Variants in GALNT10 observed in about 807,000 individuals in gnomAD.
GALNT10 encodes the protein GalNAc transferase 10.
GALNT10 carries 41 observed loss-of-function variants against 75.0 expected under a neutral mutation model. That is an observed-to-expected ratio of 0.55 (90% CI 0.43 to 0.71). The LOEUF is 0.71. GALNT10 is among the 30% of genes least tolerant of loss of function. GALNT10 has a pLI of 0.00. For missense variants in GALNT10, 727 were observed against 818.5 expected (o/e 0.89, Z 1.36); for synonymous variants, 302 against 313.0 (o/e 0.96, Z 0.37).
At chr5:154,232,273 G>C (rs1753162573) in intron 1 of GALNT10, among the ~76,000 whole-genome samples, 2 of 152,102 alleles carry the variant, frequency 1.3e-5, no homozygotes, top group African/African-American at 2.4e-5. Context: ...TGTCCTTTTA[G>C]TTGCTTATTG....
intron 4 of GALNT10, among the ~76,000 whole-genome samples, chr5:154,334,551 C>A (rs561793208): frequency 2.5e-4 from 38 of 152,294 alleles, no homozygotes; most frequent in African/African-American, 8.4e-4. Flanking sequence ...TTCTCCTTAG[C>A]CTCTCCACTT....
At chr5:154,223,950 C>T (rs923748379) in intron 1 of GALNT10, among the ~76,000 whole-genome samples, 1 of 150,754 alleles carries the variant, frequency 6.6e-6, no homozygotes, top group African/African-American at 2.4e-5. Context: ...TAAACAACAA[C>T]AGCAGAACAA....
At chr5:154,369,523 A>T (rs964358796) in intron 4 of GALNT10, among the ~76,000 whole-genome samples, 10 of 152,216 alleles carry the variant, frequency 6.6e-5, no homozygotes, top group Middle Eastern at 3.2e-3. Context: ...TCATCTTAAC[A>T]TTTCCTTTGG....
chr5:154,348,465 C>T (rs189685730), intron 4 of GALNT10, among the ~76,000 whole-genome samples: 12 of 152,278 alleles, frequency 7.9e-5, no homozygotes, highest in Non-Finnish European at 1.3e-4. Flanking sequence ...TATTCTTTCC[C>T]AGAGTTTGTC....
chr5:154,231,435 C>T (rs953232773), intron 1 of GALNT10, among the ~76,000 whole-genome samples: 5 of 152,072 alleles, frequency 3.3e-5, no homozygotes, highest in African/African-American at 9.7e-5. Flanking sequence ...TAGATGACTT[C>T]GAAATTGGAC....
At chr5:154,224,069 C>T (rs1753025071) in intron 1 of GALNT10, among the ~76,000 whole-genome samples, 1 of 152,212 alleles carries the variant, frequency 6.6e-6, no homozygotes, top group Non-Finnish European at 1.5e-5. Flanking sequence ...CGATTAAAAT[C>T]TATTCTCAAA....
At chr5:154,390,078 C>T (rs6882005) in intron 7 of GALNT10, among the ~76,000 whole-genome samples, 35,900 of 151,948 alleles carry the variant, frequency 0.24, 4,408 homozygotes, top group Middle Eastern at 0.31. Flanking sequence ...TGGCAATCAA[C>T]ATTAATTCTT....
chr5:154,358,250 G>A (rs886267040), intron 4 of GALNT10, among the ~76,000 whole-genome samples: 8 of 152,180 alleles, frequency 5.3e-5, no homozygotes, highest in African/African-American at 7.2e-5. Flanking sequence ...ATGGGGGGAC[G>A]TGTCTCTAGT....
chr5:154,241,903 C>T lies in GALNT10; in HGVS notation c.159+50878C>T, dbSNP rs557467952. Among the ~76,000 whole-genome samples, 5 of 152,242 alleles carry T rather than the reference C, an allele frequency of 3.3e-5. No individual in the cohort carries two copies. In the East Asian group the frequency reaches 5.8e-4, roughly 18 times the overall value. On this transcript the variant is annotated intron_variant, in intron 1 of 11. Transcript: ENST00000297107. ...GCTTTTTGAATAACATTTTTTTCCC[C>T]TTCGCCACTACAAGACTTAGAAGTG...
intron 3 of GALNT10, among the ~76,000 whole-genome samples, chr5:154,323,914 T>G (rs1191370371): frequency 1.3e-5 from 2 of 152,338 alleles, no homozygotes; most frequent in African/African-American, 4.8e-5. Context: ...CACCTTCTCC[T>G]GGCCACCGCC....
intron 10 of GALNT10, among the ~76,000 whole-genome samples, chr5:154,414,677 C>T (rs1447146446): frequency 6.6e-6 from 1 of 151,840 alleles, no homozygotes; most frequent in African/African-American, 2.4e-5. Context: ...ATGATGGTTT[C>T]TCGGTGTAAA....
chr5:154,267,509 A>G (rs912251601), intron 1 of GALNT10, among the ~76,000 whole-genome samples: 47 of 152,220 alleles, frequency 3.1e-4, no homozygotes, highest in African/African-American at 1.1e-3. Flanking sequence ...CTTAAAAAAC[A>G]GTTTAGGTTT....
intron 1 of GALNT10, among the ~76,000 whole-genome samples, chr5:154,276,023 T>A (rs1033902674): frequency 1.2e-4 from 19 of 152,188 alleles, no homozygotes; most frequent in Non-Finnish European, 2.4e-4. Context: ...GAGAAGTATA[T>A]CATGTTCCTG....
intron 4 of GALNT10, among the ~76,000 whole-genome samples, chr5:154,369,541 C>T (rs540211138): frequency 2.8e-4 from 42 of 152,304 alleles, no homozygotes; most frequent in African/African-American, 9.1e-4. Context: ...TGGTTGGAAA[C>T]ACCGGAGTAT....
At chr5:154,334,083 A>G (rs1754905625) in intron 4 of GALNT10, among the ~76,000 whole-genome samples, 1 of 152,244 alleles carries the variant, frequency 6.6e-6, no homozygotes, top group East Asian at 1.9e-4. Flanking sequence ...GCTGAAATTC[A>G]TAGATGCTAA....
intron 1 of GALNT10, among the ~76,000 whole-genome samples, chr5:154,216,392 C>T (rs143719946): frequency 2.6e-3 from 401 of 152,174 alleles, no homozygotes; most frequent in African/African-American, 9.3e-3. Context: ...AAAAATGTAT[C>T]TACTTATTCA....
In GALNT10 at chr5:154,317,510, C is replaced by G. The variant is rs1754611732; in HGVS notation, c.402-12062C>G. Among the ~76,000 whole-genome samples, 3 of 152,116 alleles carry G rather than the reference C, an allele frequency of 2.0e-5. No homozygotes were observed. In the South Asian group the frequency reaches 6.2e-4, roughly 32 times the overall value. ...GAGTTATCTCCCTTTCCTCCCAATC[C>G]CATCATGGCCCTCTGCCCAGGTCAC... On this transcript the variant is annotated intron_variant, in intron 3 of 11. Transcript: ENST00000297107.
At chr5:154,286,337 G>T (rs962541323) in intron 1 of GALNT10, among the ~76,000 whole-genome samples, 2 of 151,874 alleles carry the variant, frequency 1.3e-5, no homozygotes, top group East Asian at 3.9e-4. Context: ...GGATTGATAG[G>T]TAAGAGACTC....
Position 154,329,559 on chromosome 5 carries a change from T to C in GALNT10, c.402-13T>C. On this transcript the variant is annotated splice_polypyrimidine_tract_variant and intron_variant, in intron 3 of 11. Transcript: ENST00000297107. ...TGACCCTGTCCTCTGCCTCCCCTTA[T>C]GTTTCCCTCTAGCTGCAACAGCAAG... The C allele has an allele frequency of 9.3e-6, 15 of 1,611,820 alleles. No individual in the cohort carries two copies. Among genetic ancestry groups the C allele is most frequent in the Non-Finnish European group, 1.3e-5 (15 of 1,177,972 alleles).
Sources: gnomAD v4.1 joint callset for allele counts (sites outside exome capture counted in the v4.1 genomes callset) on GRCh38, gnomAD v4.1.1 for gene constraint, MANE v1.5 for transcripts, NCBI Gene and HGNC (gene_info 2026-07-23, HGNC 2026-07-21) for gene names.